YTHDC2: variants seen among roughly 807,000 people sequenced by gnomAD.
YTHDC2 encodes YTH N6-methyladenosine RNA binding protein C2.
Under a neutral mutation model 174.9 loss-of-function variants are expected in YTHDC2, and 45 were observed. The ratio of observed to expected loss-of-function variants is 0.26; its 90% CI spans 0.20 to 0.33. The LOEUF (loss-of-function observed/expected upper bound fraction) is 0.33, where lower values mean the gene tolerates loss of function less well. Ranked by LOEUF, YTHDC2 falls within the 10% of genes least tolerant of loss-of-function variation. YTHDC2 has a pLI of 1.00. For synonymous variants in YTHDC2, 657 were observed against 574.5 expected, an observed-to-expected ratio of 1.14 and a Z score of -2.05; for missense variants, 1,650 against 1,723.7, an observed-to-expected ratio of 0.96 and a Z score of 0.76.
chr5:113,566,760 G>A (rs1358046110), intron 21 of YTHDC2, among the ~76,000 whole-genome samples: 1 of 152,078 alleles, frequency 6.6e-6, no homozygotes, highest in Non-Finnish European at 1.5e-5. Context: ...AATGGTTTGG[G>A]TTTCCAGCTA....
intron 23 of YTHDC2, among the ~76,000 whole-genome samples, chr5:113,575,126 G>A (rs1215690890): frequency 2.6e-5 from 4 of 152,186 alleles, no homozygotes; most frequent in Admixed American, 2.6e-4. Flanking sequence ...AATTCATTGT[G>A]CCTTTTCATT....
intron 3 of YTHDC2, among the ~76,000 whole-genome samples, chr5:113,525,479 GC>G (rs769604596): frequency 6.6e-6 from 1 of 151,968 alleles, no homozygotes; most frequent in Non-Finnish European, 1.5e-5. Flanking sequence ...AGCAACCTTT[GC>G]AAGGTAAGAA....
intron 16 of YTHDC2, 58 bp from the exon 17 acceptor site, chr5:113,555,994 G>A: frequency 2.9e-6 from 3 of 1,033,360 alleles, no homozygotes; most frequent in Non-Finnish European, 2.9e-6. Flanking sequence ...TAACATTCTT[G>A]CTATTACCTT....
At position 113,534,712 on chromosome 5, in the gene YTHDC2, G is replaced by C. The variant is rs185918010; in HGVS notation, c.945+305G>C. Among the ~76,000 whole-genome samples, 3 of 152,082 alleles carry C rather than the reference G, an allele frequency of 2.0e-5. No homozygotes were observed. The East Asian group carries it at 5.8e-4, about 29-fold the overall frequency. ...TATATGAAAATGATGCATGCACTTA[G>C]AGTTCTCAAAAAAAAGGGAGATTTC... On this transcript the variant is annotated intron_variant, in intron 6 of 29. Coordinates refer to ENST00000161863, the MANE Select transcript of YTHDC2 (RefSeq NM_022828.5).
intron 26 of YTHDC2, among the ~76,000 whole-genome samples, chr5:113,584,990 C>G (rs1419333335): frequency 6.7e-6 from 1 of 150,306 alleles, no homozygotes; most frequent in African/African-American, 2.4e-5. Flanking sequence ...TTTGTTGCCT[C>G]GGTTGGCCTC....
Position 113,553,331 on chromosome 5 carries a change from A to G in YTHDC2, c.1839A>G (p.Leu613=), listed in dbSNP as rs775580081. The G allele has an allele frequency of 2.7e-5, 44 of 1,606,520 alleles. No homozygotes were observed. The African/African-American group carries it at 4.7e-4, about 17-fold the overall frequency. The stretch of plus-strand genomic sequence containing the variant: ...ACTTGGATTTGATCATGCATCTTCT[A>G]TACAATATCTGCCATAGTTGTGATG... ...KVDLDLIMHL[L]YNICHSCDAG... is the part of the protein sequence containing the mutation. The change falls in exon 13 of 30, where the codon CTA becomes CTG. Residue 613 remains leucine, a synonymous_variant. Transcript: ENST00000161863.
At chr5:113,561,909 A>T (rs1228070251) in intron 18 of YTHDC2, among the ~76,000 whole-genome samples, 1 of 150,980 alleles carries the variant, frequency 6.6e-6, no homozygotes, top group Non-Finnish European at 1.5e-5. Context: ...ATTATCTAGT[A>T]GTTTTAGAAC....
At chr5:113,537,575 C>G (rs545271398) in intron 7 of YTHDC2, among the ~76,000 whole-genome samples, 1 of 150,262 alleles carries the variant, frequency 6.7e-6, no homozygotes, top group Admixed American at 6.6e-5. Context: ...CGTCTTCCTT[C>G]CTTCCTTTCC....
intron 2 of YTHDC2, among the ~76,000 whole-genome samples, chr5:113,518,475 T>G (rs1773636138): frequency 6.6e-6 from 1 of 151,934 alleles, no homozygotes; most frequent in South Asian, 2.1e-4. Context: ...GTACTAAGAT[T>G]ACAGACATGA....
intron 19 of YTHDC2, 67 bp downstream of exon 19, chr5:113,563,559 T>G (rs1580594880): frequency 6.8e-7 from 1 of 1,471,452 alleles, no homozygotes; most frequent in East Asian, 2.3e-5. Context: ...AAAGGAAATA[T>G]GTCTTAACTA....
intron 28 of YTHDC2, 74 bp from the exon 29 acceptor site, chr5:113,593,229 C>G (rs1779098344): frequency 2.1e-6 from 2 of 961,688 alleles, no homozygotes; most frequent in Admixed American, 4.2e-5. Context: ...ACATTTTTAT[C>G]AGTGTAGGTT....
chr5:113,555,966 C>A, intron 16 of YTHDC2, 86 bp from the exon 17 acceptor site: 1 of 709,804 alleles, frequency 1.4e-6, no homozygotes, highest in Non-Finnish European at 2.3e-6. Context: ...AAACTTTTGG[C>A]ATGTTAAAAT....
chr5:113,541,443 G>A (rs371413082), intron 9 of YTHDC2, among the ~76,000 whole-genome samples: 14 of 152,028 alleles, frequency 9.2e-5, no homozygotes, highest in Admixed American at 3.3e-4. Context: ...CACCCGCCTC[G>A]GCCTCCCAAA....
Position 113,594,396 on chromosome 5 carries a change from T to G in YTHDC2, c.*922T>G, listed in dbSNP as rs1186242011. 1.3e-5 allele frequency: 2 copies of G among 152,244 alleles called. No homozygotes were observed. Among genetic ancestry groups the G allele is most frequent in the African/African-American group, 4.8e-5 (2 of 41,462 alleles). 9.4% of individuals were successfully genotyped at this position (152,244 alleles called of 1,614,324 possible). ...TTCTCAACTGGTAGCTTGCTTGCTG[T>G]GCGTCTTCCAAACTAAAGCCTGCAA... On this transcript the variant is annotated 3_prime_UTR_variant, in exon 30 of 30. Transcript: ENST00000161863.
At chr5:113,546,840 T>C (rs1438082494) in intron 10 of YTHDC2, among the ~76,000 whole-genome samples, 1 of 152,218 alleles carries the variant, frequency 6.6e-6, no homozygotes, top group African/African-American at 2.4e-5. Flanking sequence ...ACATAGCTTT[T>C]GGCAGGAGTC....
chr5:113,567,440 G>C (rs564777436), intron 22 of YTHDC2, 143 bp downstream of exon 22: 12 of 421,242 alleles, frequency 2.8e-5, no homozygotes, highest in Non-Finnish European at 4.1e-5. Context: ...TTAAATATTG[G>C]AACAAAACTT....
chr5:113,575,490 C>G (rs1309500460), intron 23 of YTHDC2, among the ~76,000 whole-genome samples: 3 of 152,148 alleles, frequency 2.0e-5, no homozygotes, highest in East Asian at 3.9e-4. Flanking sequence ...AAGACTTAAA[C>G]TGAGACCTAC....
At chr5:113,559,841 A>G (rs987391774) in intron 17 of YTHDC2, among the ~76,000 whole-genome samples, 9 of 152,238 alleles carry the variant, frequency 5.9e-5, no homozygotes. Context: ...CTGAACACAA[A>G]GAACAACCAA....
chr5:113,540,536 G>A (rs1241296673), intron 8 of YTHDC2, among the ~76,000 whole-genome samples: 1 of 152,174 alleles, frequency 6.6e-6, no homozygotes, highest in Non-Finnish European at 1.5e-5. Context: ...AGGCAAAGGG[G>A]AAGCAAGGAC....
Sources: allele counts gnomAD v4.1 joint callset (sites outside exome capture counted in the v4.1 genomes callset), GRCh38; gene constraint gnomAD v4.1.1; transcripts MANE v1.5; gene names NCBI Gene and HGNC (gene_info 2026-07-23, HGNC 2026-07-21).